The following MPP7 variants were observed in gnomAD, a reference collection of about 807,000 sequenced individuals.
MPP7 encodes the protein MAGUK p55 scaffold protein 7, also known as MAGUK p55 subfamily member 7.
A neutral mutation model predicts 76.5 loss-of-function variants in MPP7; 60 were observed. That is an observed-to-expected ratio of 0.78 (90% CI 0.64 to 0.97). The LOEUF (loss-of-function observed/expected upper bound fraction) is 0.97. Ranked by LOEUF, MPP7 falls within the 50% of genes least tolerant of loss-of-function variation. MPP7 has a pLI of 0.00. For missense variants in MPP7, 641 were observed against 694.0 expected, an observed-to-expected ratio of 0.92 and a Z score of 0.86; for synonymous variants, 237 against 244.5, an observed-to-expected ratio of 0.97 and a Z score of 0.29.
At chr10:28,223,179 T>G (rs1357217514) in intron 2 of MPP7, among the ~76,000 whole-genome samples, 2 of 152,128 alleles carry the variant, frequency 1.3e-5, no homozygotes, top group African/African-American at 4.8e-5. Flanking sequence ...GTATTAATAT[T>G]TTATAAGACC....
intron 3 of MPP7, among the ~76,000 whole-genome samples, chr10:28,168,680 C>G (rs1427246171): frequency 6.6e-6 from 1 of 152,052 alleles, no homozygotes; most frequent in Middle Eastern, 3.4e-3. Context: ...CACCATGCTC[C>G]GTTAATTTTT....
In MPP7 at chr10:28,081,877, T is replaced by A. The variant is rs190136173; in HGVS notation, c.1123+7794A>T. 6.1e-3 allele frequency among the ~76,000 whole-genome samples: 934 copies of A among 151,902 alleles called. 15 individuals carry two copies. The highest frequency in any genetic ancestry group is 0.022 in the African/African-American group (892 of 41,394). On this transcript the variant is annotated intron_variant, in intron 12 of 16. Coordinates refer to ENST00000683449, the MANE Select transcript of MPP7 (RefSeq NM_001318170.2). ...AAGTGATTCTCCTGCCTCAGACTCC[T>A]AAATACCTGGGACTACAGGTGACTG...
chr10:28,239,818 T>C (rs1238222915), intron 1 of MPP7, among the ~76,000 whole-genome samples: 1 of 152,222 alleles, frequency 6.6e-6, no homozygotes, highest in Non-Finnish European at 1.5e-5. Flanking sequence ...AGGTATTTCA[T>C]CTTCTTAAGC....
intron 5 of MPP7, among the ~76,000 whole-genome samples, chr10:28,133,285 C>T (rs1835253712): frequency 1.3e-5 from 2 of 152,178 alleles, no homozygotes; most frequent in South Asian, 4.1e-4. Flanking sequence ...AATAGCCCTT[C>T]TAAAGTTGCC....
At chr10:28,134,182 C>T (rs1835283968) in intron 5 of MPP7, among the ~76,000 whole-genome samples, 1 of 152,110 alleles carries the variant, frequency 6.6e-6, no homozygotes. Flanking sequence ...TGATCCCAAA[C>T]ATTTTACATT....
At position 28,051,903 on chromosome 10, in the gene MPP7, T is replaced by G. The variant is rs963226990; in HGVS notation, c.*2162A>C. ...CCTGTCTCAAAAAAAAAAAAAAAAGTATACTACCTGATTTCTAAAATTACC... is the reference window on the plus strand; with the variant it reads ...CCTGTCTCAAAAAAAAAAAAAAAAGGATACTACCTGATTTCTAAAATTACC... On this transcript the variant is annotated 3_prime_UTR_variant, in exon 17 of 17. Transcript: ENST00000683449. 4.7e-5 allele frequency: 7 copies of G among 150,194 alleles called. No homozygotes were observed. The highest frequency in any genetic ancestry group is 1.7e-4 in the African/African-American group (7 of 40,564). 9.3% of individuals were successfully genotyped at this position (150,194 alleles called of 1,614,324 possible).
intron 1 of MPP7, among the ~76,000 whole-genome samples, chr10:28,253,030 C>T (rs1839665914): frequency 6.6e-6 from 1 of 152,046 alleles, no homozygotes; most frequent in Non-Finnish European, 1.5e-5. Context: ...TCCTCAGCCT[C>T]CCGAGCAGCT....
chr10:28,080,404 C>T (rs1161078741), intron 12 of MPP7, among the ~76,000 whole-genome samples: 4 of 152,100 alleles, frequency 2.6e-5, no homozygotes. Context: ...CACCAAGCTC[C>T]CAATTCAAAA....
chr10:28,324,664 TAC>T (rs1360154768), intron 2 of MPP7, among the ~76,000 whole-genome samples: 1 of 152,174 alleles, frequency 6.6e-6, no homozygotes, highest in Non-Finnish European at 1.5e-5. Context: ...TCTTTTTAAA[TAC>T]ATTTCATAAT....
intron 1 of MPP7, among the ~76,000 whole-genome samples, chr10:28,245,335 T>C (rs781699944): frequency 6.6e-6 from 1 of 152,140 alleles, no homozygotes; most frequent in Admixed American, 6.5e-5. Context: ...AATTCTACAT[T>C]TTTTTGTTCA....
At chr10:28,303,571 CAT>C (rs1841217887), upstream of MPP7, 1 of 152,198 alleles carries the variant, frequency 6.6e-6, no homozygotes, top group Admixed American at 6.5e-5. Flanking sequence ...CGAAAAAAGA[CAT>C]AAGGTGTTTT....
intron 2 of MPP7, among the ~76,000 whole-genome samples, chr10:28,219,307 T>G (rs993646259): frequency 5.9e-5 from 9 of 152,104 alleles, no homozygotes; most frequent in Non-Finnish European, 1.3e-4. Flanking sequence ...ACTGCTTCTG[T>G]AAAAATATAA....
intron 3 of MPP7, among the ~76,000 whole-genome samples, chr10:28,196,014 C>T (rs1837569927): frequency 6.6e-6 from 1 of 152,150 alleles, no homozygotes; most frequent in African/African-American, 2.4e-5. Context: ...CAAATAAGAG[C>T]TGTCAGATTT....
In MPP7 at chr10:28,274,292, C is replaced by T. The variant is rs147937433; in HGVS notation, c.-132+28569G>A. Among the ~76,000 whole-genome samples the T allele has an allele frequency of 2.9e-3, 433 of 150,326 alleles. 14 individuals are homozygous for T. In the East Asian group the frequency reaches 0.06, roughly 21 times the overall value. On this transcript the variant is annotated intron_variant, in intron 1 of 16. Transcript: ENST00000683449. ...TAATTTTTTGTATTTTTAGTAGAGA[C>T]GGGGTTTCACCGGAGCCAGGATGGT...
At chr10:28,212,647 G>A (rs944884578) in intron 2 of MPP7, among the ~76,000 whole-genome samples, 12 of 152,126 alleles carry the variant, frequency 7.9e-5, no homozygotes, top group African/African-American at 1.7e-4. Context: ...AGGGGACTGC[G>A]CCCTGAAGTC....
At chr10:28,153,080 C>G (rs1835935289) in intron 3 of MPP7, among the ~76,000 whole-genome samples, 1 of 152,036 alleles carries the variant, frequency 6.6e-6, no homozygotes, top group South Asian at 2.1e-4. Flanking sequence ...ATGGTGAAAC[C>G]TCATCTCTAC....
At chr10:28,129,335 G>A (rs757936277) in intron 6 of MPP7, among the ~76,000 whole-genome samples, 16 of 152,030 alleles carry the variant, frequency 1.1e-4, no homozygotes, top group Non-Finnish European at 2.2e-4. Context: ...TTTATTCTAT[G>A]TGATTTTGTT....
At chr10:28,123,957 C>T (rs1834925687) in intron 8 of MPP7, 74 bp downstream of exon 8, 1 of 1,014,492 alleles carries the variant, frequency 9.9e-7, no homozygotes, top group Non-Finnish European at 1.6e-6. Flanking sequence ...CTATGTCAAA[C>T]CAAGTCTAAA....
chr10:28,285,798 T>C (rs1044298385), intron 1 of MPP7, among the ~76,000 whole-genome samples: 1 of 151,824 alleles, frequency 6.6e-6, no homozygotes, highest in African/African-American at 2.4e-5. Context: ...CAAAAGAACA[T>C]GTTAAACCAT....
Sources: gnomAD v4.1 joint callset for allele counts (sites outside exome capture counted in the v4.1 genomes callset) on GRCh38, gnomAD v4.1.1 for gene constraint, MANE v1.5 for transcripts, NCBI Gene and HGNC (gene_info 2026-07-23, HGNC 2026-07-21) for gene names.